PIAS4: variants seen among roughly 807,000 people sequenced by gnomAD.
PIAS4 encodes protein inhibitor of activated STAT 4, also known as E3 SUMO-protein ligase PIAS4.
Under a neutral mutation model 58.0 loss-of-function variants are expected in PIAS4, and 7 were observed. The observed-to-expected ratio is 0.12, with a 90% confidence interval of 0.07 to 0.23. The LOEUF (loss-of-function observed/expected upper bound fraction) is 0.23. Among genes scored for constraint, PIAS4 ranks in the 10% least tolerant of loss-of-function variants. The pLI is 1.00. For missense variants in PIAS4, 550 were observed against 709.5 expected (o/e 0.78, Z 2.55); for synonymous variants, 364 against 312.4 (o/e 1.17, Z -1.74).
chr19:4,027,592 T>C lies in PIAS4; in HGVS notation c.540-554T>C, dbSNP rs113321758. 2.7e-3 allele frequency among the ~76,000 whole-genome samples: 411 copies of C among 149,664 alleles called. 5 individuals are homozygous for C. The East Asian group carries it at 0.03, about 11-fold the overall frequency. On this transcript the variant is annotated intron_variant, in intron 3 of 10. Transcript: ENST00000262971. ...TGTTTTTTTTTTTTTGGAGAGTGTT[T>C]CTCTTTGTTACCCAGGCTGGAGTGC...
At position 4,037,938 on chromosome 19, in the gene PIAS4, G is replaced by T; in HGVS notation, c.*63G>T. ...GCAGAGGGGCACGGGCCAGCCTCGG[G>T]CGCAGAGGGAGGAGTGACCTTTCTT... On this transcript the variant is annotated 3_prime_UTR_variant, in exon 11 of 11. Transcript: ENST00000262971. This position sits in a 1 kb window ranked among gnomAD's most constrained non-coding sequence, Gnocchi z 5.8. 1.1e-5 allele frequency: 17 copies of T among 1,490,230 alleles called. No homozygotes were observed. In the South Asian group the frequency reaches 2.1e-4, roughly 19 times the overall value. The allele number at this position is 1,490,230 out of a possible 1,614,324, so 92.3% of individuals were successfully genotyped here. A position where few individuals can be genotyped will look rare whatever the true frequency, so the allele number is the denominator to read the frequency against.
chr19:4,029,713 G>A (rs1404132518), intron 7 of PIAS4, among the ~76,000 whole-genome samples: 1 of 151,204 alleles, frequency 6.6e-6, no homozygotes, highest in African/African-American at 2.4e-5. Flanking sequence ...TGGTGGGATC[G>A]TGGCTCACTG....
chr19:4,028,911 C>T lies in PIAS4; in HGVS notation c.802-20C>T. ...CCCGGCCCCGTCCTGCCAGCCCTGA[C>T]CCCTTCCTTCTGTCCCCAGAGCTAC... On this transcript the variant is annotated intron_variant, in intron 6 of 10. Coordinates refer to ENST00000262971, the MANE Select transcript of PIAS4 (RefSeq NM_015897.4). 4 of 1,609,172 alleles carry T rather than the reference C, an allele frequency of 2.5e-6. No homozygotes were observed. The highest frequency in any genetic ancestry group is 3.4e-6 in the Non-Finnish European group (4 of 1,176,706).
rs747210750 is a variant in PIAS4 at position 4,037,579 on chromosome 19, A to G, written c.1274-37A>G. 7 of 1,607,472 alleles carry G rather than the reference A, an allele frequency of 4.4e-6. No homozygotes were observed. The highest frequency in any genetic ancestry group is 5.9e-6 in the Non-Finnish European group (7 of 1,179,768). ...AGTTTCCCCATTTATCAGTGGTTGCATCCTAAGTACCTGCACCCTGTCCCT... is the reference window on the plus strand; with the variant it reads ...AGTTTCCCCATTTATCAGTGGTTGCGTCCTAAGTACCTGCACCCTGTCCCT... On this transcript the variant is annotated intron_variant, in intron 10 of 10. Transcript: ENST00000262971. The surrounding 1 kb of genome is among the most constrained non-coding windows in gnomAD (Gnocchi z 5.8).
chr19:4,013,095 C>A lies in PIAS4; in HGVS notation c.200C>A (p.Ala67Asp). The part of the protein sequence containing the change: ...KIKELYETRY[A>D]KKNSEPAPQP... ...AAGGAGCTGTACGAGACCCGCTACG[C>A]CAAGAAGAACTCGGAGCCTGCCCCA... The change falls in exon 2 of 11, where the codon GCC becomes GAC. Residue 67 changes from alanine (A) to aspartate (D), a missense_variant. By Grantham distance (126) the Ala-to-Asp change is moderately radical. This residue lies in a region of PIAS4 where 95 missense variants were observed against 87.5 expected (regional missense o/e 1.09). Transcript: ENST00000262971. The surrounding 1 kb of genome is among the most constrained non-coding windows in gnomAD (Gnocchi z 5.1). 1 of 1,613,474 alleles carries A rather than the reference C, an allele frequency of 6.2e-7. No homozygotes were observed. Among genetic ancestry groups the A allele is most frequent in the Non-Finnish European group, 8.5e-7 (1 of 1,180,016 alleles).
Position 4,025,701 on chromosome 19 carries a change from T to TTCCTTGTCC in PIAS4, c.539+1581_539+1582insTCCTTGTCC, listed in dbSNP as rs2040156985. ...CTTTCTCAGCCTCGTCTTCCTTGTC[T>TTCCTTGTCC]ATGTACCTGGGTCAGCACAGCCTCC... On this transcript the variant is annotated intron_variant, in intron 3 of 10. Coordinates refer to ENST00000262971, the MANE Select transcript of PIAS4 (RefSeq NM_015897.4). Among the ~76,000 whole-genome samples, 3 of 38,610 alleles carry TTCCTTGTCC rather than the reference T, an allele frequency of 7.8e-5. No individual in the cohort carries two copies. The Admixed American group carries it at 9.6e-4, about 12-fold the overall frequency. 25.3% of individuals were successfully genotyped at this position (38,610 alleles called of 152,430 possible).
chr19:4,022,360 T>G (rs1599222632), intron 2 of PIAS4, among the ~76,000 whole-genome samples: 2 of 151,858 alleles, frequency 1.3e-5, no homozygotes, highest in South Asian at 2.1e-4. Context: ...TTTTTGGTGG[T>G]TTTTTTTGAG....
Position 4,037,845 on chromosome 19 carries a change from C to A in PIAS4, c.1503C>A (p.Pro501=). The change falls in exon 11 of 11, where the codon CCC becomes CCA. Residue 501 remains proline (P), a synonymous_variant. Transcript: ENST00000262971. This position sits in a 1 kb window ranked among gnomAD's most constrained non-coding sequence, Gnocchi z 5.8. ...GGCCCCGGCCCAAGCGCCGCTGCCCCTTCCAGAAGGGCCTGGTGCCGGCCT... is the reference window on the plus strand; with the variant it reads ...GGCCCCGGCCCAAGCGCCGCTGCCCATTCCAGAAGGGCCTGGTGCCGGCCT... ...EEGPRPKRRC[P]FQKGLVPAC The A allele has an allele frequency of 6.4e-7, 1 of 1,567,936 alleles. No individual in the cohort carries two copies. Among genetic ancestry groups the A allele is most frequent in the East Asian group, 2.3e-5 (1 of 42,800 alleles).
intron 9 of PIAS4, among the ~76,000 whole-genome samples, chr19:4,036,975 G>A (rs952628362): frequency 7.9e-5 from 12 of 152,160 alleles, no homozygotes; most frequent in Non-Finnish European, 1.5e-4. Flanking sequence ...GCACACACAC[G>A]CACATGCTCG....
intron 9 of PIAS4, among the ~76,000 whole-genome samples, chr19:4,035,293 G>C (rs1259882482): frequency 6.6e-6 from 1 of 152,116 alleles, no homozygotes; most frequent in African/African-American, 2.4e-5. Context: ...TAACAGGCCA[G>C]CCTGGGCCCT....
At chr19:4,034,169 G>A (rs896372248) in intron 9 of PIAS4, among the ~76,000 whole-genome samples, 2 of 152,218 alleles carry the variant, frequency 1.3e-5, no homozygotes, top group Non-Finnish European at 2.9e-5. Flanking sequence ...GCTCCTGCCC[G>A]GCGCCGACCG....
At chr19:4,035,143 C>T (rs1239843109) in intron 9 of PIAS4, among the ~76,000 whole-genome samples, 2 of 152,164 alleles carry the variant, frequency 1.3e-5, no homozygotes, top group African/African-American at 4.8e-5. Context: ...CGAGCATCGC[C>T]TCAGAGAGAG....
At chr19:4,020,610 G>A (rs574704567) in intron 2 of PIAS4, among the ~76,000 whole-genome samples, 2 of 152,176 alleles carry the variant, frequency 1.3e-5, no homozygotes, top group Non-Finnish European at 2.9e-5. Context: ...GCTGCTCAGC[G>A]TTTTTGCTTT....
chr19:4,035,907 C>T (rs1207160392), intron 9 of PIAS4, among the ~76,000 whole-genome samples: 13 of 100,494 alleles, frequency 1.3e-4, no homozygotes, highest in African/African-American at 4.3e-4. Context: ...ACAGTCCACA[C>T]CGTCTCACAC....
At chr19:4,021,381 A>G (rs1599221906) in intron 2 of PIAS4, among the ~76,000 whole-genome samples, 1 of 152,002 alleles carries the variant, frequency 6.6e-6, no homozygotes. Context: ...TCCTGACCTC[A>G]AGTGATCCAC....
rs2040240716 is a variant in PIAS4, at chr19:4,033,277, G to C, written c.981+104G>C. Reference sequence around the variant, plus strand: ...GCTTGGCTGGGCCGTGAGCCTGCGGGGGCGAGGCTGGTCTTCGTCCCCTCC... The same window carrying C: ...GCTTGGCTGGGCCGTGAGCCTGCGGCGGCGAGGCTGGTCTTCGTCCCCTCC... On this transcript the variant is annotated intron_variant, in intron 8 of 10. Coordinates refer to ENST00000262971, the MANE Select transcript of PIAS4 (RefSeq NM_015897.4). The C allele has an allele frequency of 2.9e-6, 4 of 1,356,474 alleles. No individual in the cohort carries two copies. In the South Asian group the frequency reaches 4.9e-5, roughly 17 times the overall value. The allele number at this position is 1,356,474 out of a possible 1,614,324, so 84.0% of individuals were successfully genotyped here.
At chr19:4,021,675 C>T (rs1460599942) in intron 2 of PIAS4, among the ~76,000 whole-genome samples, 3 of 150,964 alleles carry the variant, frequency 2.0e-5, no homozygotes, top group Admixed American at 6.6e-5. Flanking sequence ...AGTTTATGTA[C>T]GGTTTATGTG....
chr19:4,025,777 A>G (rs989025501), intron 3 of PIAS4, among the ~76,000 whole-genome samples: 8 of 152,092 alleles, frequency 5.3e-5, no homozygotes, highest in Non-Finnish European at 1.2e-4. Context: ...CACACAGTAT[A>G]AAAAAATCAG....
intron 2 of PIAS4, among the ~76,000 whole-genome samples, chr19:4,014,938 A>G (rs1225547869): frequency 6.6e-6 from 1 of 152,156 alleles, no homozygotes; most frequent in Admixed American, 6.5e-5. Context: ...AGGAGGGAGG[A>G]AGGTGCTGTC....
Sources: gnomAD v4.1 joint callset for allele counts (sites outside exome capture counted in the v4.1 genomes callset) on GRCh38, gnomAD v4.1.1 for gene constraint, gnomAD v4.1.1 regional missense constraint, Gnocchi (gnomAD v3.1) non-coding constraint, MANE v1.5 for transcripts, NCBI Gene and HGNC (gene_info 2026-07-23, HGNC 2026-07-21) for gene names.